The following DCDC1 variants were observed in gnomAD, a reference collection of about 807,000 sequenced individuals.
The protein encoded by DCDC1 is doublecortin domain-containing protein 1.
Under a neutral mutation model 178.3 loss-of-function variants are expected in DCDC1, and 200 were observed. The observed-to-expected ratio is 1.12, with a 90% CI of 1.00 to 1.26. DCDC1 has a LOEUF of 1.26. Ranked by LOEUF, DCDC1 falls within the 50% of genes most tolerant of loss-of-function variation. The pLI, the probability that DCDC1 is intolerant of heterozygous loss-of-function variation, is 0.00. For missense variants in DCDC1, 1,983 were observed against 1,749.2 expected (o/e 1.13, Z -2.38); for synonymous variants, 690 against 604.8 (o/e 1.14, Z -2.07).
intron 9 of DCDC1, among the ~76,000 whole-genome samples, chr11:31,153,785 AACACACACACAC>A (rs141063677): frequency 7.5e-6 from 1 of 132,610 alleles, no homozygotes; most frequent in African/African-American, 3.1e-5. Flanking sequence ...TCAGTCTTAA[AACACACACACAC>A]ACACACACAC....
At chr11:30,871,783 A>G (rs941600053) in intron 38 of DCDC1, among the ~76,000 whole-genome samples, 1 of 152,018 alleles carries the variant, frequency 6.6e-6, no homozygotes. Flanking sequence ...GTTAGTTCTG[A>G]CTCAATAACA....
chr11:31,006,614 A>G (rs1265394533), intron 20 of DCDC1, among the ~76,000 whole-genome samples: 1 of 152,222 alleles, frequency 6.6e-6, no homozygotes, highest in Non-Finnish European at 1.5e-5. Context: ...ATTGAAGAGA[A>G]TAATATCTAT....
chr11:30,909,872 T>A (rs1440085092), intron 28 of DCDC1, among the ~76,000 whole-genome samples: 1 of 152,190 alleles, frequency 6.6e-6, no homozygotes, highest in African/African-American at 2.4e-5. Context: ...ATAGTTTCAA[T>A]TTAACAGAAC....
chr11:30,931,811 T>G lies in DCDC1; in HGVS notation c.2857A>C (p.Thr953Pro). The G allele has an allele frequency of 6.2e-7, 1 of 1,612,798 alleles. No homozygotes were observed. The highest frequency in any genetic ancestry group is 8.5e-7 in the Non-Finnish European group (1 of 1,179,210). Residue 953 changes from threonine (T) to proline (P), a missense_variant, in exon 22 of 39, where the codon ACT (threonine) becomes CCT (proline). Transcript: ENST00000684477. ...NGEKNKNRSV[T>P]ILGPDISPGR... is the part of the protein sequence containing the mutation. ...GGTGAGATATCTGGACCAAGGATAG[T>G]AACGGATCTGTTTTTATTCTTCTCT... is the stretch of plus-strand genomic sequence containing the variant.
rs534150329 is a variant in DCDC1 at position 31,091,530 on chromosome 11, G to T, written c.2119-19C>A. 3 of 727,130 alleles carry T rather than the reference G, an allele frequency of 4.1e-6. No individual in the cohort carries two copies. In the East Asian group the frequency reaches 7.6e-5, roughly 18 times the overall value. 45.0% of individuals were successfully genotyped at this position (727,130 alleles called of 1,614,324 possible). ...TTCCAGTCTTCCAATGAATAGAGAG[G>T]GGGAGAAAGGTCTAAATAAGTTAAA... On this transcript the variant is annotated intron_variant, in intron 16 of 38. Transcript: ENST00000684477.
intron 20 of DCDC1, among the ~76,000 whole-genome samples, chr11:30,982,607 T>C (rs1950446854): frequency 6.6e-6 from 1 of 152,222 alleles, no homozygotes; most frequent in African/African-American, 2.4e-5. Context: ...TTTTCTGGTG[T>C]GATACTAAAA....
intron 9 of DCDC1, among the ~76,000 whole-genome samples, chr11:31,236,619 A>G (rs1042398559): frequency 6.6e-6 from 1 of 151,966 alleles, no homozygotes; most frequent in African/African-American, 2.4e-5. Context: ...AAAATACTTC[A>G]AGTAACTAGA....
intron 17 of DCDC1, among the ~76,000 whole-genome samples, chr11:31,088,125 C>T (rs941451453): frequency 2.2e-4 from 33 of 151,892 alleles, no homozygotes; most frequent in Non-Finnish European, 2.6e-4. Flanking sequence ...ATTAATATAT[C>T]CATTCTTACT....
At chr11:30,995,938 A>G (rs954779244) in intron 20 of DCDC1, among the ~76,000 whole-genome samples, 5 of 152,186 alleles carry the variant, frequency 3.3e-5, no homozygotes, top group African/African-American at 1.2e-4. Context: ...TATCAAAATT[A>G]AAAACGTTTG....
chr11:30,881,098 G>C, intron 37 of DCDC1, 60 bp downstream of exon 37: 1 of 1,575,968 alleles, frequency 6.3e-7, no homozygotes, highest in Non-Finnish European at 8.7e-7. Context: ...GCTCTTCCAA[G>C]AGAAGATTGA....
chr11:30,965,184 T>C (rs1361382427), intron 20 of DCDC1, among the ~76,000 whole-genome samples: 1 of 152,116 alleles, frequency 6.6e-6, no homozygotes, highest in African/African-American at 2.4e-5. Flanking sequence ...AACACATAGG[T>C]GTACACACAT....
chr11:30,952,511 A>C lies in DCDC1; in HGVS notation c.2649T>G (p.Val883=). The C allele has an allele frequency of 6.3e-7, 1 of 1,590,792 alleles. No homozygotes were observed. Residue 883 remains valine, a synonymous_variant, in exon 21 of 39, where the codon GTT becomes GTG. Transcript: ENST00000684477. ...SKPGQWKHSR[V]ENPLWNKLTY... is the part of the protein sequence containing the mutation. The stretch of plus-strand genomic sequence containing the variant: ...TAAGCTTGTTCCATAGAGGATTTTC[A>C]ACTCTAGAATGTTTCCACTGGCCTG...
At chr11:31,084,358 T>C (rs1957356484) in intron 17 of DCDC1, among the ~76,000 whole-genome samples, 1 of 152,174 alleles carries the variant, frequency 6.6e-6, no homozygotes, top group African/African-American at 2.4e-5. Flanking sequence ...TATTTATTGT[T>C]ATTTATAATA....
At chr11:31,308,470 G>A (rs1359929546) in intron 3 of DCDC1, among the ~76,000 whole-genome samples, 1 of 152,150 alleles carries the variant, frequency 6.6e-6, no homozygotes, top group Non-Finnish European at 1.5e-5. Flanking sequence ...ATTTTAGAAT[G>A]GGTGGGAATA....
chr11:31,232,163 T>C (rs1310613629), intron 9 of DCDC1, among the ~76,000 whole-genome samples: 1 of 152,220 alleles, frequency 6.6e-6, no homozygotes, highest in Non-Finnish European at 1.5e-5. Context: ...GAGAAGACAG[T>C]CATTTTGAAA....
intron 7 of DCDC1, among the ~76,000 whole-genome samples, chr11:31,283,253 T>C (rs1444393855): frequency 1.3e-5 from 2 of 152,208 alleles, no homozygotes; most frequent in Admixed American, 6.6e-5. Flanking sequence ...CAGTCCTTGC[T>C]TTCAGCCTTT....
intron 1 of DCDC1, among the ~76,000 whole-genome samples, chr11:31,354,373 GA>G (rs1435808419): frequency 1.1e-4 from 17 of 152,204 alleles, no homozygotes; most frequent in African/African-American, 3.9e-4. Flanking sequence ...ACTGCAAAAG[GA>G]AAGAATATCT....
intron 9 of DCDC1, among the ~76,000 whole-genome samples, chr11:31,222,540 C>T (rs1470469385): frequency 6.6e-6 from 1 of 152,176 alleles, no homozygotes; most frequent in South Asian, 2.1e-4. Context: ...ATCTTGGTAA[C>T]AAAATCTGTC....
chr11:31,038,213 TTATA>T (rs34004324), intron 20 of DCDC1, among the ~76,000 whole-genome samples: 13 of 150,364 alleles, frequency 8.6e-5, no homozygotes, highest in Admixed American at 2.6e-4. Context: ...ACTTAAAGTA[TTATA>T]TATATATATA....
Sources: allele counts gnomAD v4.1 joint callset (sites outside exome capture counted in the v4.1 genomes callset), GRCh38; gene constraint gnomAD v4.1.1; transcripts MANE v1.5; gene names NCBI Gene and HGNC (gene_info 2026-07-23, HGNC 2026-07-21).